The following TRIM72 variants were observed in gnomAD, a reference collection of about 807,000 sequenced individuals.
TRIM72 encodes the protein tripartite motif containing 72, also known as tripartite motif-containing protein 72.
A neutral mutation model predicts 31.6 loss-of-function variants in TRIM72; 33 were observed. The ratio of observed to expected loss-of-function variants is 1.04; its 90% confidence interval spans 0.79 to 1.40. TRIM72 has a LOEUF of 1.40. Among genes scored for constraint, TRIM72 ranks in the 40% most tolerant of loss-of-function variants. TRIM72 has a pLI of 0.00. For missense variants in TRIM72, 666 were observed against 682.7 expected (o/e 0.98, Z 0.27); for synonymous variants, 301 against 314.4 (o/e 0.96, Z 0.45).
At chr16:31,217,615 A>AT (rs536702762) in intron 2 of TRIM72, among the ~76,000 whole-genome samples, 441 of 137,244 alleles carry the variant, frequency 3.2e-3, no homozygotes, top group Middle Eastern at 0.011. Flanking sequence ...TGCAGGGGAC[A>AT]TTTTTTTTTT....
rs1438452095 is a variant in TRIM72, at chr16:31,224,597, T to C, written c.1276T>C (p.Phe426Leu). ...YLSFGDGVLSFYDASDADALV... is the reference protein window; with the variant it reads ...YLSFGDGVLSLYDASDADALV... ...GAGCTTCGGCGACGGCGTCCTCTCCTTCTACGATGCCAGCGACGCCGACGC... is the reference window on the plus strand; with the variant it reads ...GAGCTTCGGCGACGGCGTCCTCTCCCTCTACGATGCCAGCGACGCCGACGC... The change falls in exon 7 of 7, where the codon TTC (phenylalanine) becomes CTC (leucine). Residue 426 changes from phenylalanine (F) to leucine (L), a missense_variant. Physicochemically the swap from Phe to Leu is conservative, Grantham distance 22 (BLOSUM62 0). Transcript: ENST00000322122. The C allele has an allele frequency of 6.4e-6, 10 of 1,555,802 alleles. No individual in the cohort carries two copies. The highest frequency in any genetic ancestry group is 8.6e-6 in the Non-Finnish European group (10 of 1,156,362).
chr16:31,224,561 G>T lies in TRIM72; in HGVS notation c.1240G>T (p.Gly414Cys), dbSNP rs1401903150. 3 of 1,545,402 alleles carry T rather than the reference G, an allele frequency of 1.9e-6. No homozygotes were observed. The African/African-American group carries it at 4.1e-5, about 21-fold the overall frequency. ...CCCCGAGAGGCGGCCCACGCGCATT[G>T]GCCTTTACCTGAGCTTCGGCGACGG... is the stretch of plus-strand genomic sequence containing the variant. ...RSPERRPTRI[G>C]LYLSFGDGVL... The change falls in exon 7 of 7, where the codon GGC becomes TGC. Residue 414 changes from glycine (G) to cysteine (C), a missense_variant. Physicochemically the swap from Gly to Cys is radical, Grantham distance 159 (BLOSUM62 -3). Transcript: ENST00000322122.
rs1216136778 is a variant in TRIM72, at chr16:31,225,460, G to A, written c.*705G>A. 6.6e-6 allele frequency: 1 copy of A among 151,868 alleles called. No individual in the cohort carries two copies. Among genetic ancestry groups the A allele is most frequent in the Non-Finnish European group, 1.5e-5 (1 of 68,022 alleles). The allele number at this position is 151,868 out of a possible 1,614,324, so 9.4% of individuals were successfully genotyped here. ...TTGCCTCACACTCCCCTCCTCCTTA[G>A]GCCTTGGGTCCCCCGCTCCAGATTC... On this transcript the variant is annotated 3_prime_UTR_variant, in exon 7 of 7. Coordinates refer to ENST00000322122, the MANE Select transcript of TRIM72 (RefSeq NM_001008274.4).
chr16:31,216,598 C>A lies in TRIM72; in HGVS notation c.390+1470C>A. The A allele has an allele frequency of 1.2e-6, 1 of 848,308 alleles. No individual in the cohort carries two copies. The highest frequency in any genetic ancestry group is 1.8e-6 in the Non-Finnish European group (1 of 550,946). The allele number at this position is 848,308 out of a possible 1,614,324, so 52.5% of individuals were successfully genotyped here. On this transcript the variant is annotated intron_variant, in intron 2 of 6. Transcript: ENST00000322122. This position sits in a 1 kb window ranked among gnomAD's most constrained non-coding sequence, Gnocchi z 6.7. The stretch of plus-strand genomic sequence containing the variant: ...CCCACCAGGGTTCGCGGCAGCCCAG[C>A]CCTTCGCCCCCGGGAGGGGCTGGCC...
chr16:31,226,729 A>AC lies in TRIM72; in HGVS notation c.*1976dup, dbSNP rs2079556226. The AC allele has an allele frequency of 6.6e-6, 1 of 152,246 alleles. No homozygotes were observed. The highest frequency in any genetic ancestry group is 1.5e-5 in the Non-Finnish European group (1 of 68,076). The allele number at this position is 152,246 out of a possible 1,614,324, so 9.4% of individuals were successfully genotyped here. On this transcript the variant is annotated 3_prime_UTR_variant, in exon 7 of 7. Transcript: ENST00000322122. ...AGGGCATTTCTTGGGCTCTGGAGTA[A>AC]CCACTGAGGCCAGAGTGAGAGTCCC... is the stretch of plus-strand genomic sequence containing the variant.
At position 31,230,202 on chromosome 16, in the gene TRIM72, T is replaced by G. The variant is rs1596946845; in HGVS notation, c.*5447T>G. ...TAAAAATTAACTGCCTGTTTTTCTG[T>G]GGATAGTGAGCCTTATCTCTCTCCC... On this transcript the variant is annotated 3_prime_UTR_variant, in exon 7 of 7. Coordinates refer to ENST00000322122, the MANE Select transcript of TRIM72 (RefSeq NM_001008274.4). The G allele has an allele frequency of 6.6e-6, 1 of 152,228 alleles. No individual in the cohort carries two copies. Among genetic ancestry groups the G allele is most frequent in the Non-Finnish European group, 1.5e-5 (1 of 68,052 alleles). The allele number at this position is 152,228 out of a possible 1,614,324, so 9.4% of individuals were successfully genotyped here.
chr16:31,222,186 A>C (rs1350004503), intron 5 of TRIM72, among the ~76,000 whole-genome samples: 1 of 152,180 alleles, frequency 6.6e-6, no homozygotes, highest in African/African-American at 2.4e-5. Context: ...TGAGGTCAGC[A>C]GTTCGAGACT....
In TRIM72 at chr16:31,224,689, C is replaced by T. The variant is rs865851823; in HGVS notation, c.1368C>T (p.Cys456=). 1 of 1,546,970 alleles carries T rather than the reference C, an allele frequency of 6.5e-7. No individual in the cohort carries two copies. Among genetic ancestry groups the T allele is most frequent in the Non-Finnish European group, 8.7e-7 (1 of 1,153,934 alleles). ...PRPVYPFFDV[C]WHDKGKNAQP... is the part of the protein sequence containing the mutation. The stretch of plus-strand genomic sequence containing the variant: ...CCGTGTACCCCTTCTTCGACGTGTG[C>T]TGGCACGACAAGGGCAAGAATGCCC... Residue 456 remains cysteine, a synonymous_variant, in exon 7 of 7, where the codon TGC becomes TGT. Coordinates refer to ENST00000322122, the MANE Select transcript of TRIM72 (RefSeq NM_001008274.4).
rs185088387 is a variant in TRIM72, at chr16:31,222,694, T to G, written c.741-133T>G. 21 of 564,480 alleles carry G rather than the reference T, an allele frequency of 3.7e-5. 1 individual carries two copies. The highest frequency in any genetic ancestry group is 4.6e-4 in the Middle Eastern group (1 of 2,170). The allele number at this position is 564,480 out of a possible 1,614,324, so 35.0% of individuals were successfully genotyped here. A position where few individuals can be genotyped will look rare whatever the true frequency, so the allele number is the denominator to read the frequency against. On this transcript the variant is annotated intron_variant, in intron 5 of 6. Transcript: ENST00000322122. ...CATCACCAGTGTTTATCTCCAGAATTTTCTCATCTTCCCAAACCAAAACTC... is the reference window on the plus strand; with the variant it reads ...CATCACCAGTGTTTATCTCCAGAATGTTCTCATCTTCCCAAACCAAAACTC...
chr16:31,223,986 C>T (rs1461451780), intron 6 of TRIM72, among the ~76,000 whole-genome samples, 195 bp from the exon 7 acceptor site: 3 of 152,140 alleles, frequency 2.0e-5, no homozygotes, highest in Non-Finnish European at 4.4e-5. Context: ...TGCCTGCAAC[C>T]CTGGAGGGAA....
rs1169469689 is a variant in TRIM72, at chr16:31,224,762, G to A, written c.*7G>A. ...CGAAGGCGCCGAGGCCTGAGCCGCCGGACGGGTAGTGGAGGGGCGCGGGGG... is the reference window on the plus strand; with the variant it reads ...CGAAGGCGCCGAGGCCTGAGCCGCCAGACGGGTAGTGGAGGGGCGCGGGGG... On this transcript the variant is annotated 3_prime_UTR_variant, in exon 7 of 7. Coordinates refer to ENST00000322122, the MANE Select transcript of TRIM72 (RefSeq NM_001008274.4). The A allele has an allele frequency of 5.5e-6, 8 of 1,467,538 alleles. No individual in the cohort carries two copies. Among genetic ancestry groups the A allele is most frequent in the African/African-American group, 1.4e-5 (1 of 69,314 alleles). 90.9% of individuals were successfully genotyped at this position (1,467,538 alleles called of 1,614,324 possible).
At chr16:31,222,980 C>T in intron 6 of TRIM72, 35 bp downstream of exon 6, 1 of 1,539,546 alleles carries the variant, frequency 6.5e-7, no homozygotes, top group Non-Finnish European at 8.8e-7. Flanking sequence ...TTGTGTGTGA[C>T]CAGGCAGTTG....
rs1259566516 is a variant in TRIM72 at position 31,229,712 on chromosome 16, C to T, written c.*4957C>T. ...AACCCCCAGAAACTGGCTGCCAAGA[C>T]ATTTCCTGTGTTTCCTGACATCTTT... On this transcript the variant is annotated 3_prime_UTR_variant, in exon 7 of 7. Coordinates refer to ENST00000322122, the MANE Select transcript of TRIM72 (RefSeq NM_001008274.4). 2.6e-5 allele frequency: 4 copies of T among 152,274 alleles called. No homozygotes were observed. Among genetic ancestry groups the T allele is most frequent in the African/African-American group, 9.6e-5 (4 of 41,472 alleles). The allele number at this position is 152,274 out of a possible 1,614,324, so 9.4% of individuals were successfully genotyped here. A position where few individuals can be genotyped will look rare whatever the true frequency, so the allele number is the denominator to read the frequency against.
In TRIM72 at chr16:31,226,901, G is replaced by A. The variant is rs1366505154; in HGVS notation, c.*2146G>A. On this transcript the variant is annotated 3_prime_UTR_variant, in exon 7 of 7. Transcript: ENST00000322122. ...GGGGCCCCGGCAGCCCATTGCGGAG[G>A]TTTTCTCGGGAGATGGTGGGTATGG... The A allele has an allele frequency of 3.3e-5, 5 of 152,360 alleles. No homozygotes were observed. Among genetic ancestry groups the A allele is most frequent in the African/African-American group, 1.2e-4 (5 of 41,456 alleles). The allele number at this position is 152,360 out of a possible 1,614,324, so 9.4% of individuals were successfully genotyped here.
rs2079561741 is a variant in TRIM72, at chr16:31,228,765, G to A, written c.*4010G>A. 6.6e-6 allele frequency: 1 copy of A among 151,980 alleles called. No individual in the cohort carries two copies. The highest frequency in any genetic ancestry group is 6.6e-5 in the Admixed American group (1 of 15,224). The allele number at this position is 151,980 out of a possible 1,614,324, so 9.4% of individuals were successfully genotyped here. On this transcript the variant is annotated 3_prime_UTR_variant, in exon 7 of 7. Coordinates refer to ENST00000322122, the MANE Select transcript of TRIM72 (RefSeq NM_001008274.4). ...TTTTTCATTTTTATTTGTATTTTTA[G>A]TAGAGGCGGGGTTTTGCCATGTTGG... is the stretch of plus-strand genomic sequence containing the variant.
In TRIM72 at chr16:31,231,335, T is replaced by G. The variant is rs528121088; in HGVS notation, c.*6580T>G. 6.6e-6 allele frequency: 1 copy of G among 152,180 alleles called. No individual in the cohort carries two copies. Among genetic ancestry groups the G allele is most frequent in the Middle Eastern group, 3.4e-3 (1 of 292 alleles). The allele number at this position is 152,180 out of a possible 1,614,324, so 9.4% of individuals were successfully genotyped here. ...CACCGCGTCCGGCTTAGGTTGCCTCTTATACTGGGTTCACGCATCCCCTGG... is the reference window on the plus strand; with the variant it reads ...CACCGCGTCCGGCTTAGGTTGCCTCGTATACTGGGTTCACGCATCCCCTGG... On this transcript the variant is annotated 3_prime_UTR_variant, in exon 7 of 7. Coordinates refer to ENST00000322122, the MANE Select transcript of TRIM72 (RefSeq NM_001008274.4).
chr16:31,222,030 C>T (rs778108903), intron 5 of TRIM72, among the ~76,000 whole-genome samples: 6 of 152,088 alleles, frequency 3.9e-5, no homozygotes, highest in Non-Finnish European at 7.4e-5. Flanking sequence ...GAGGAAGCTG[C>T]GGTAGTAGGT....
chr16:31,214,672 A>C, intron 1 of TRIM72, 60 bp from the exon 2 acceptor site: 1 of 1,414,732 alleles, frequency 7.1e-7, no homozygotes, highest in Non-Finnish European at 9.1e-7. Context: ...GGGCTGGGCC[A>C]GGGCTGGGCC....
chr16:31,216,647 G>A lies in TRIM72; in HGVS notation c.390+1519G>A. 1 of 1,334,216 alleles carries A rather than the reference G, an allele frequency of 7.5e-7. No homozygotes were observed. The highest frequency in any genetic ancestry group is 1.4e-5 in the South Asian group (1 of 73,010). The allele number at this position is 1,334,216 out of a possible 1,614,324, so 82.6% of individuals were successfully genotyped here. On this transcript the variant is annotated intron_variant, in intron 2 of 6. Coordinates refer to ENST00000322122, the MANE Select transcript of TRIM72 (RefSeq NM_001008274.4). The surrounding 1 kb of genome is among the most constrained non-coding windows in gnomAD (Gnocchi z 6.7). ...CCGGAGGTCTGAGGGAGGACCCCAG[G>A]AGGGACCCTGAAGGAGGGGAACAGG...
Sources: gnomAD v4.1 joint callset for allele counts (sites outside exome capture counted in the v4.1 genomes callset) on GRCh38, gnomAD v4.1.1 for gene constraint, Gnocchi (gnomAD v3.1) non-coding constraint, MANE v1.5 for transcripts, NCBI Gene and HGNC (gene_info 2026-07-23, HGNC 2026-07-21) for gene names.